Variants in FRMD4A observed in about 807,000 individuals in gnomAD.
FRMD4A encodes FERM domain-containing protein 4A.
FRMD4A carries 29 observed loss-of-function variants against 129.1 expected under a neutral mutation model. The observed-to-expected ratio is 0.22, with a 90% CI of 0.17 to 0.31. FRMD4A has a LOEUF of 0.31. FRMD4A is among the 10% of genes least tolerant of loss of function. The probability of loss-of-function intolerance (pLI) is 1.00; values close to 1 mark genes in which losing one functional copy is unlikely to be tolerated. For missense variants in FRMD4A, 1,272 were observed against 1,375.8 expected, an observed-to-expected ratio of 0.92 and a Z score of 1.19; for synonymous variants, 634 against 571.6, an observed-to-expected ratio of 1.11 and a Z score of -1.56.
intron 2 of FRMD4A, among the ~76,000 whole-genome samples, chr10:13,945,281 G>A (rs1053683293): frequency 7.2e-5 from 11 of 152,084 alleles, no homozygotes; most frequent in African/African-American, 2.4e-4. Flanking sequence ...TTTGGGATAG[G>A]GTCTGTATGG....
intron 2 of FRMD4A, among the ~76,000 whole-genome samples, chr10:14,164,294 T>C (rs1192079111): frequency 1.3e-5 from 2 of 152,196 alleles, no homozygotes; most frequent in African/African-American, 4.8e-5. Context: ...GCTGGGAGAA[T>C]GGCAGGGGCG....
chr10:14,050,648 G>A (rs1275028147), intron 2 of FRMD4A, among the ~76,000 whole-genome samples: 1 of 151,966 alleles, frequency 6.6e-6, no homozygotes, highest in African/African-American at 2.4e-5. Context: ...CTCCAGGGAG[G>A]GCAGGGGGCC....
At chr10:13,777,158 A>G (rs1190870678) in intron 6 of FRMD4A, among the ~76,000 whole-genome samples, 1 of 152,172 alleles carries the variant, frequency 6.6e-6, no homozygotes, top group African/African-American at 2.4e-5. Context: ...TGAACTGTCA[A>G]CCACTCAGCA....
At chr10:14,038,238 G>T (rs1322987851) in intron 2 of FRMD4A, among the ~76,000 whole-genome samples, 1 of 152,166 alleles carries the variant, frequency 6.6e-6, no homozygotes, top group Non-Finnish European at 1.5e-5. Flanking sequence ...CAGGAGAATG[G>T]CATGAACCCG....
Position 13,654,452 on chromosome 10 carries a change from G to A in FRMD4A, c.3014C>T (p.Pro1005Leu), listed in dbSNP as rs1484738135. 5 of 1,609,604 alleles carry A rather than the reference G, an allele frequency of 3.1e-6. No individual in the cohort carries two copies. Among genetic ancestry groups the A allele is most frequent in the African/African-American group, 1.3e-5 (1 of 74,816 alleles). Residue 1005 changes from proline (P) to leucine (L), a missense_variant, in exon 23 of 25, where the codon CCA (proline) becomes CTA (leucine). Around this residue, in one of 2 missense-constraint regions of FRMD4A, gnomAD observed 972 missense variants for 892.3 expected, o/e 1.09. Coordinates refer to ENST00000357447, the MANE Select transcript of FRMD4A (RefSeq NM_018027.5). Reference sequence around the variant, plus strand: ...GGTTAGGATGTGGTGGGGGCTGCTTGGGGGGGTGGCTCCAATTTCACTTGA... The same window carrying A: ...GGTTAGGATGTGGTGGGGGCTGCTTAGGGGGGTGGCTCCAATTTCACTTGA... ...TPSSEIGATP[P>L]SSPHHILTWQ...
intron 2 of FRMD4A, chr10:13,991,970 T>G (rs552571539): frequency 6.6e-6 from 1 of 152,350 alleles, no homozygotes; most frequent in South Asian, 2.1e-4. Context: ...TAGCTTGAGT[T>G]TCCTGGCAGC....
At chr10:13,719,314 C>A (rs2089184608) in intron 12 of FRMD4A, among the ~76,000 whole-genome samples, 1 of 152,200 alleles carries the variant, frequency 6.6e-6, no homozygotes, top group Non-Finnish European at 1.5e-5. Context: ...GAACTCTACT[C>A]TTCCAAGGTG....
At chr10:14,179,361 T>C (rs1841835603) in intron 2 of FRMD4A, among the ~76,000 whole-genome samples, 1 of 152,182 alleles carries the variant, frequency 6.6e-6, no homozygotes, top group African/African-American at 2.4e-5. Flanking sequence ...TAGAAACATC[T>C]TCATCAAATT....
chr10:13,984,230 C>T (rs1166203984), intron 2 of FRMD4A, among the ~76,000 whole-genome samples: 2 of 152,140 alleles, frequency 1.3e-5, no homozygotes, highest in Admixed American at 6.5e-5. Context: ...TTTATGAAGT[C>T]GAACGTGTGT....
At chr10:14,154,369 A>G (rs1028876512) in intron 2 of FRMD4A, among the ~76,000 whole-genome samples, 38 of 152,112 alleles carry the variant, frequency 2.5e-4, no homozygotes, top group Admixed American at 1.4e-3. Flanking sequence ...CCTTATTTAA[A>G]TGCTCCAGCT....
chr10:13,923,962 T>C (rs376865913), intron 2 of FRMD4A, among the ~76,000 whole-genome samples: 8 of 152,206 alleles, frequency 5.3e-5, no homozygotes, highest in African/African-American at 1.9e-4. Context: ...AGGCAGCATG[T>C]GCCACATGTC....
At chr10:14,228,116 C>A (rs1473139359) in intron 2 of FRMD4A, among the ~76,000 whole-genome samples, 1 of 152,176 alleles carries the variant, frequency 6.6e-6, no homozygotes, top group East Asian at 1.9e-4. Context: ...TCATGACCCA[C>A]CTGTTTCAGC....
At chr10:13,694,131 A>T in intron 14 of FRMD4A, 92 bp from the exon 15 acceptor site, 1 of 1,060,674 alleles carries the variant, frequency 9.4e-7, no homozygotes, top group Non-Finnish European at 1.3e-6. Context: ...CCGTCTTGAC[A>T]TTCCGCAAAG....
At chr10:14,069,563 T>C (rs1835219252) in intron 2 of FRMD4A, among the ~76,000 whole-genome samples, 1 of 152,222 alleles carries the variant, frequency 6.6e-6, no homozygotes, top group African/African-American at 2.4e-5. Context: ...CAGAAAATAC[T>C]GTAAGAACAA....
chr10:13,744,525 T>C (rs10737080), intron 9 of FRMD4A: 146,044 of 152,300 alleles, frequency 0.96, 70,034 homozygotes, highest in East Asian at 1. Flanking sequence ...GGTTGGTGTA[T>C]GTCATCCCAT....
At chr10:14,212,029 C>T (rs776085191) in intron 2 of FRMD4A, among the ~76,000 whole-genome samples, 2 of 152,124 alleles carry the variant, frequency 1.3e-5, no homozygotes, top group Non-Finnish European at 2.9e-5. Flanking sequence ...TACAGACAGA[C>T]ATCCCCTGTG....
intron 2 of FRMD4A, among the ~76,000 whole-genome samples, chr10:14,039,936 T>C (rs1193829961): frequency 6.6e-6 from 1 of 152,236 alleles, no homozygotes; most frequent in South Asian, 2.1e-4. Context: ...CATATATGTA[T>C]GTATGTGAGT....
intron 2 of FRMD4A, among the ~76,000 whole-genome samples, chr10:14,042,123 C>T (rs2131675613): frequency 6.6e-6 from 1 of 152,218 alleles, no homozygotes; most frequent in East Asian, 1.9e-4. Context: ...TTTTAAATGT[C>T]TGCTAGCCGT....
At chr10:14,270,489 G>T (rs1220125130) in intron 2 of FRMD4A, among the ~76,000 whole-genome samples, 2 of 152,138 alleles carry the variant, frequency 1.3e-5, no homozygotes, top group East Asian at 3.8e-4. Context: ...TTCTTAGTGG[G>T]AAATTCCTCC....
Sources: gnomAD v4.1 joint callset for allele counts (sites outside exome capture counted in the v4.1 genomes callset) on GRCh38, gnomAD v4.1.1 for gene constraint, gnomAD v4.1.1 regional missense constraint, MANE v1.5 for transcripts, NCBI Gene and HGNC (gene_info 2026-07-23, HGNC 2026-07-21) for gene names.